The following SRGAP2B variants were observed in gnomAD, a reference collection of about 807,000 sequenced individuals.
SRGAP2B encodes SLIT-ROBO Rho GTPase activating protein 2B.
SRGAP2B carries 9 observed loss-of-function variants against 22.2 expected under a neutral mutation model. That is an observed-to-expected ratio of 0.41 (90% CI 0.24 to 0.71). The LOEUF (loss-of-function observed/expected upper bound fraction) is 0.71, where lower values mean the gene tolerates loss of function less well. SRGAP2B is among the 30% of genes least tolerant of loss of function. The pLI is 0.35. For synonymous variants in SRGAP2B, 36 were observed against 87.4 expected (o/e 0.41, Z 3.28); for missense variants, 114 against 235.8 (o/e 0.48, Z 3.38).
chr1:144,950,853 T>C (rs1250014045), intron 4 of SRGAP2B, among the ~76,000 whole-genome samples: 2 of 150,728 alleles, frequency 1.3e-5, no homozygotes, highest in African/African-American at 5.0e-5. Context: ...TCTCTCTCTC[T>C]CTTCTTTTTT....
intron 2 of SRGAP2B, among the ~76,000 whole-genome samples, chr1:145,016,552 G>A (rs1352165542): frequency 1.9e-5 from 1 of 52,452 alleles, no homozygotes; most frequent in Non-Finnish European, 3.7e-5. Flanking sequence ...AAGTCAGCTA[G>A]CAGTAAGAAA....
rs587623362 is a variant in SRGAP2B at position 144,963,222 on chromosome 1, G to C, written c.261-7621C>G. ...CTTGGTACAATCTACATGCTACAAT[G>C]CCACCCCAATATAATCCATAGAACT... On this transcript the variant is annotated intron_variant, in intron 3 of 9. Coordinates refer to ENST00000612199, the Ensembl canonical transcript of SRGAP2B. Among the ~76,000 whole-genome samples, 83 of 149,710 alleles carry C rather than the reference G, an allele frequency of 5.5e-4. 2 individuals carry two copies. The highest frequency in any genetic ancestry group is 5.0e-3 in the Admixed American group (75 of 15,088).
chr1:144,998,905 G>T (rs1168731234), intron 2 of SRGAP2B, among the ~76,000 whole-genome samples: 1 of 150,998 alleles, frequency 6.6e-6, no homozygotes, highest in Non-Finnish European at 1.5e-5. Flanking sequence ...CACACAAGGG[G>T]CAGGAAACAA....
intron 4 of SRGAP2B, among the ~76,000 whole-genome samples, chr1:144,934,127 G>A (rs1209192069): frequency 4.6e-4 from 68 of 149,422 alleles, no homozygotes; most frequent in African/African-American, 1.5e-3. Flanking sequence ...ACCCAGGGCC[G>A]GGTGCAGTGG....
At chr1:145,000,893 C>T (rs1277426056) in intron 2 of SRGAP2B, among the ~76,000 whole-genome samples, 3 of 140,646 alleles carry the variant, frequency 2.1e-5, no homozygotes, top group South Asian at 4.5e-4. Flanking sequence ...CAGATCAGCC[C>T]GCGCTCCCCA....
At chr1:145,082,048 TAAG>T (rs1553634786) in intron 2 of SRGAP2B, among the ~76,000 whole-genome samples, 1 of 136,102 alleles carries the variant, frequency 7.3e-6, no homozygotes. Flanking sequence ...AAGATATGGT[TAAG>T]AAAAACAAAC....
intron 4 of SRGAP2B, among the ~76,000 whole-genome samples, chr1:144,940,513 A>G (rs1427668666): frequency 2.0e-5 from 3 of 148,416 alleles, no homozygotes; most frequent in Admixed American, 1.3e-4. Flanking sequence ...TCAAGACAAC[A>G]GCCAGCTGGT....
At chr1:145,012,966 C>G (rs587641467) in intron 2 of SRGAP2B, among the ~76,000 whole-genome samples, 3 of 150,150 alleles carry the variant, frequency 2.0e-5, no homozygotes, top group Non-Finnish European at 4.4e-5. Context: ...ACCTGTAAGC[C>G]CAGCTACTCA....
At chr1:145,015,311 T>C (rs879973978) in intron 2 of SRGAP2B, among the ~76,000 whole-genome samples, 95 of 111,084 alleles carry the variant, frequency 8.6e-4, no homozygotes, top group Non-Finnish European at 1.6e-3. Flanking sequence ...ACTCCTGGTC[T>C]CAAGTGATCT....
intron 4 of SRGAP2B, among the ~76,000 whole-genome samples, chr1:144,934,361 G>A (rs1318371995): frequency 7.8e-6 from 1 of 128,312 alleles, no homozygotes; most frequent in Non-Finnish European, 1.5e-5. Context: ...TCAAGATCGC[G>A]CACTGCACTC....
At chr1:144,939,514 C>T (rs1665871027) in intron 4 of SRGAP2B, among the ~76,000 whole-genome samples, 1 of 142,926 alleles carries the variant, frequency 7.0e-6, no homozygotes, top group Non-Finnish European at 1.5e-5. Context: ...GTCTGTCTTT[C>T]ACCTGAGATG....
Position 145,080,064 on chromosome 1 carries a change from C to A in SRGAP2B, c.67+12771G>T, listed in dbSNP as rs1437009008. 8.8e-3 allele frequency among the ~76,000 whole-genome samples: 1,319 copies of A among 149,446 alleles called. 44 individuals are homozygous for A. Among genetic ancestry groups the A allele is most frequent in the Non-Finnish European group, 0.013 (902 of 67,600 alleles). ...TTCTTTTAAATTTAAGTACTGCACA[C>A]AACAACATAAATATCTGTAATACTA... On this transcript the variant is annotated intron_variant, in intron 2 of 9. Transcript: ENST00000612199.
At chr1:144,976,527 C>G (rs1668919014) in intron 3 of SRGAP2B, among the ~76,000 whole-genome samples, 1 of 142,792 alleles carries the variant, frequency 7.0e-6, no homozygotes, top group African/African-American at 2.9e-5. Context: ...ATTTAGCATC[C>G]ATGGCTTCTA....
intron 5 of SRGAP2B, among the ~76,000 whole-genome samples, chr1:144,908,671 G>GA (rs1663165151): frequency 6.8e-6 from 1 of 148,012 alleles, no homozygotes; most frequent in South Asian, 2.1e-4. Context: ...GGAAAGTCAA[G>GA]ACAGGACTTA....
In SRGAP2B at chr1:144,950,816, G is replaced by A. The variant is rs9439323; in HGVS notation, c.423+4623C>T. Among the ~76,000 whole-genome samples the A allele has an allele frequency of 3.3e-5, 5 of 150,762 alleles. 1 individual carries two copies. Among genetic ancestry groups the A allele is most frequent in the African/African-American group, 5.0e-5 (2 of 40,278 alleles). ...TAGAGCCAGGTGACTGGAGTTAAACGTTAGCTTCATTTCGTTTTTCTTAAT... is the reference window on the plus strand; with the variant it reads ...TAGAGCCAGGTGACTGGAGTTAAACATTAGCTTCATTTCGTTTTTCTTAAT... On this transcript the variant is annotated intron_variant, in intron 4 of 9. Transcript: ENST00000612199.
Position 144,930,269 on chromosome 1 carries a change from C to T in SRGAP2B, c.424-15515G>A, listed in dbSNP as rs201122288. 3.9e-3 allele frequency among the ~76,000 whole-genome samples: 265 copies of T among 67,798 alleles called. 3 individuals are homozygous for T. Among genetic ancestry groups the T allele is most frequent in the East Asian group, 0.038 (114 of 3,026 alleles). 44.5% of individuals were successfully genotyped at this position (67,798 alleles called of 152,430 possible). Reference sequence around the variant, plus strand: ...TGATAGTGAAGGCTTGCCACACTTACGTTTTAAGTTGTTCATTTCCCAGGA... The same window carrying T: ...TGATAGTGAAGGCTTGCCACACTTATGTTTTAAGTTGTTCATTTCCCAGGA... On this transcript the variant is annotated intron_variant, in intron 4 of 9. Transcript: ENST00000612199.
intron 3 of SRGAP2B, among the ~76,000 whole-genome samples, chr1:144,969,186 G>T (rs1197813281): frequency 0.05 from 4,741 of 95,436 alleles, no homozygotes; most frequent in Admixed American, 0.072. Flanking sequence ...GCATCGCCAA[G>T]TCAATCCTAA....
chr1:145,035,867 C>T (rs1413597730), intron 2 of SRGAP2B, among the ~76,000 whole-genome samples: 8 of 147,050 alleles, frequency 5.4e-5, no homozygotes, highest in Non-Finnish European at 1.0e-4. Flanking sequence ...TGCTCTTTTA[C>T]TAAAACCTTC....
chr1:144,909,589 A>AC (rs1558742850), intron 5 of SRGAP2B, among the ~76,000 whole-genome samples: 1 of 83,268 alleles, frequency 1.2e-5, no homozygotes, highest in Non-Finnish European at 3.1e-5. Context: ...TCCATCTCAA[A>AC]AAAAAAAAAA....
Sources: gnomAD v4.1 joint callset for allele counts (sites outside exome capture counted in the v4.1 genomes callset) on GRCh38, gnomAD v4.1.1 for gene constraint, MANE v1.5 for transcripts, NCBI Gene and HGNC (gene_info 2026-07-23, HGNC 2026-07-21) for gene names.